DNAH8: variants seen among roughly 807,000 people sequenced by gnomAD.
DNAH8 encodes axonemal beta dynein heavy chain 8.
A neutral mutation model predicts 562.1 loss-of-function variants in DNAH8; 382 were observed. The observed-to-expected ratio is 0.68, with a 90% CI of 0.63 to 0.74. The LOEUF is 0.74. Among genes scored for constraint, DNAH8 ranks in the 30% least tolerant of loss-of-function variants. The pLI is 0.00. For synonymous variants in DNAH8, 1,881 were observed against 1,919.4 expected, an observed-to-expected ratio of 0.98 and a Z score of 0.52; for missense variants, 5,203 against 5,620.4, an observed-to-expected ratio of 0.93 and a Z score of 2.37.
At chr6:38,782,277 ATATTTATT>A (rs5875638) in intron 16 of DNAH8, among the ~76,000 whole-genome samples, 1 of 148,598 alleles carries the variant, frequency 6.7e-6, no homozygotes, top group Non-Finnish European at 1.5e-5. Flanking sequence ...TATTTTTTAA[ATATTTATT>A]TATTTATTTA....
Position 38,887,018 on chromosome 6 carries a change from T to C in DNAH8, c.8473+14T>C, listed in dbSNP as rs1451713657. ...ACAAAATTTTTGGTATGAATATTCT[T>C]AGCGTTTATTTTATTGCATTACATA... is the stretch of plus-strand genomic sequence containing the variant. On this transcript the variant is annotated intron_variant, in intron 57 of 92. Coordinates refer to ENST00000327475, the MANE Select transcript of DNAH8 (RefSeq NM_001206927.2). 2 of 1,547,932 alleles carry C rather than the reference T, an allele frequency of 1.3e-6. No individual in the cohort carries two copies. The highest frequency in any genetic ancestry group is 1.8e-6 in the Non-Finnish European group (2 of 1,120,682).
intron 40 of DNAH8, 31 bp downstream of exon 40, chr6:38,852,829 A>G (rs753956531): frequency 6.5e-7 from 1 of 1,536,612 alleles, no homozygotes; most frequent in South Asian, 1.1e-5. Flanking sequence ...TTTTTTTATT[A>G]GAATTTCTTT....
intron 1 of DNAH8, among the ~76,000 whole-genome samples, chr6:38,717,762 T>C (rs1367029843): frequency 6.6e-6 from 1 of 152,098 alleles, no homozygotes; most frequent in East Asian, 1.9e-4. Context: ...GTATTCTCCC[T>C]AGAAAGCTTA....
At chr6:38,768,050 G>A (rs906691133) in intron 11 of DNAH8, among the ~76,000 whole-genome samples, 1 of 152,082 alleles carries the variant, frequency 6.6e-6, no homozygotes, top group Non-Finnish European at 1.5e-5. Context: ...TTCCCTAGTG[G>A]CTAGTGATGG....
At chr6:38,921,300 G>A (rs1366490876) in intron 70 of DNAH8, 69 bp from the exon 71 acceptor site, 6 of 1,543,206 alleles carry the variant, frequency 3.9e-6, no homozygotes, top group South Asian at 3.7e-5. Context: ...TGTGATTTGT[G>A]TTATCTACCA....
At chr6:38,781,967 G>GGACAGAGTCACAA (rs1170165090) in intron 16 of DNAH8, among the ~76,000 whole-genome samples, 2 of 152,070 alleles carry the variant, frequency 1.3e-5, no homozygotes, top group Non-Finnish European at 2.9e-5. Flanking sequence ...GTCACAAGGT[G>GGACAGAGTCACAA]GAGTTGGTTT....
intron 9 of DNAH8, among the ~76,000 whole-genome samples, chr6:38,752,358 T>G (rs1168177393): frequency 6.6e-6 from 1 of 152,240 alleles, no homozygotes; most frequent in Non-Finnish European, 1.5e-5. Flanking sequence ...GAGACAAGGT[T>G]TCGCCACATT....
chr6:38,818,761 A>G (rs528929918), intron 26 of DNAH8, among the ~76,000 whole-genome samples: 2 of 152,220 alleles, frequency 1.3e-5, no homozygotes, highest in Non-Finnish European at 2.9e-5. Flanking sequence ...TGAAGGCAGA[A>G]TGCCTGGGTA....
intron 21 of DNAH8, among the ~76,000 whole-genome samples, chr6:38,792,834 A>C (rs964927006): frequency 3.9e-5 from 6 of 152,120 alleles, no homozygotes; most frequent in African/African-American, 1.4e-4. Flanking sequence ...GTTGTTCTGC[A>C]GTGGTGTGGT....
intron 68 of DNAH8, among the ~76,000 whole-genome samples, chr6:38,915,852 A>T (rs1781272361): frequency 1.0e-5 from 1 of 100,404 alleles, no homozygotes; most frequent in African/African-American, 3.0e-5. Flanking sequence ...ACACACACAC[A>T]TACACACACA....
chr6:38,923,041 T>C lies in DNAH8; in HGVS notation c.10663-17T>C. On this transcript the variant is annotated splice_polypyrimidine_tract_variant and intron_variant, in intron 71 of 92. Coordinates refer to ENST00000327475, the MANE Select transcript of DNAH8 (RefSeq NM_001206927.2). ...CTTAGAAAAGTTTTTTGAGACATTC[T>C]CCCATTATGGCTGCAGGATTTGCTT... The C allele has an allele frequency of 1.9e-6, 3 of 1,602,770 alleles. No homozygotes were observed. Among genetic ancestry groups the C allele is most frequent in the Non-Finnish European group, 2.6e-6 (3 of 1,176,142 alleles).
rs146938126 is a variant in DNAH8, at chr6:38,909,743, A to G, written c.9739A>G (p.Arg3247Gly). 323 of 1,613,020 alleles carry G rather than the reference A, an allele frequency of 2.0e-4. 1 individual carries two copies. In the Middle Eastern group the frequency reaches 2.1e-3, roughly 11 times the overall value. The stretch of plus-strand genomic sequence containing the variant: ...AGAGAGCTGTGAAAGTTATTTCCAA[A>G]GGTAAGTGATATTACATAAGCACCA... ...VSESCESYFQ[R>G]YRRRAHVTPK... The change falls in exon 65 of 93, where the codon AGA becomes GGA. Residue 3247 changes from arginine (R) to glycine (G), a missense_variant and splice_region_variant. Arg to Gly is a moderately radical substitution (Grantham distance 125). Transcript: ENST00000327475.
chr6:38,779,054 C>T (rs75782569), intron 14 of DNAH8, among the ~76,000 whole-genome samples: 1,651 of 152,272 alleles, frequency 0.011, 31 homozygotes, highest in African/African-American at 0.038. Context: ...GCTTCCTTTC[C>T]CTCTATCCTA....
intron 60 of DNAH8, among the ~76,000 whole-genome samples, 195 bp downstream of exon 60, chr6:38,896,420 G>T (rs528759115): frequency 1.3e-5 from 2 of 151,760 alleles, no homozygotes; most frequent in South Asian, 2.1e-4. Context: ...TAAAAAATAA[G>T]AAAAATTAGT....
intron 62 of DNAH8, among the ~76,000 whole-genome samples, chr6:38,903,145 C>A (rs1033832757): frequency 6.6e-6 from 1 of 152,152 alleles, no homozygotes; most frequent in Non-Finnish European, 1.5e-5. Flanking sequence ...TAGGCATACT[C>A]TACGCTGTTC....
At position 38,723,024 on chromosome 6, in the gene DNAH8, T is replaced by A; in HGVS notation, c.215T>A (p.Val72Asp). Reference sequence around the variant, plus strand: ...CTCATTCCTTCTGAAGAAGGGATAGTTCTTCCAGATGATCATGAAGCGGAT... The same window carrying A: ...CTCATTCCTTCTGAAGAAGGGATAGATCTTCCAGATGATCATGAAGCGGAT... ...RDLIPSEEGI[V>D]LPDDHEADLN... Residue 72 changes from valine to aspartate, a missense_variant, in exon 2 of 93, where the codon GTT becomes GAT. Coordinates refer to ENST00000327475, the MANE Select transcript of DNAH8 (RefSeq NM_001206927.2). The A allele has an allele frequency of 6.2e-7, 1 of 1,612,924 alleles. No individual in the cohort carries two copies. The highest frequency in any genetic ancestry group is 8.5e-7 in the Non-Finnish European group (1 of 1,179,902).
At chr6:38,820,653 G>A (rs1266393144) in intron 26 of DNAH8, among the ~76,000 whole-genome samples, 1 of 152,168 alleles carries the variant, frequency 6.6e-6, no homozygotes, top group African/African-American at 2.4e-5. Flanking sequence ...GAATCCAGCA[G>A]TGTATAAAAA....
chr6:38,958,523 A>G (rs898839189), intron 82 of DNAH8, among the ~76,000 whole-genome samples: 2 of 151,692 alleles, frequency 1.3e-5, no homozygotes, highest in African/African-American at 2.4e-5. Flanking sequence ...AAATTGGAAA[A>G]CTTAGAATAA....
At chr6:38,915,670 A>G (rs1781257596) in intron 68 of DNAH8, among the ~76,000 whole-genome samples, 1 of 152,166 alleles carries the variant, frequency 6.6e-6, no homozygotes, top group Non-Finnish European at 1.5e-5. Flanking sequence ...GAGCCTGCTC[A>G]GTTTCTCCAG....
Sources: allele counts gnomAD v4.1 joint callset (sites outside exome capture counted in the v4.1 genomes callset), GRCh38; gene constraint gnomAD v4.1.1; transcripts MANE v1.5; gene names NCBI Gene and HGNC (gene_info 2026-07-23, HGNC 2026-07-21).